The following SH3GL2 variants were observed in gnomAD, a reference collection of about 807,000 sequenced individuals.
The protein encoded by SH3GL2 is endophilin-A1.
A neutral mutation model predicts 46.0 loss-of-function variants in SH3GL2; 24 were observed. That is an observed-to-expected ratio of 0.52 (90% CI 0.38 to 0.73). The LOEUF (loss-of-function observed/expected upper bound fraction) is 0.73, where lower values mean the gene tolerates loss of function less well. Among genes scored for constraint, SH3GL2 ranks in the 30% least tolerant of loss-of-function variants. SH3GL2 has a pLI of 0.00. For missense variants in SH3GL2, 413 were observed against 424.2 expected (o/e 0.97, Z 0.23); for synonymous variants, 196 against 147.1 (o/e 1.33, Z -2.40).
chr9:17,674,453 G>C (rs1337108477), intron 1 of SH3GL2, among the ~76,000 whole-genome samples: 2 of 151,944 alleles, frequency 1.3e-5, no homozygotes, highest in Non-Finnish European at 2.9e-5. Flanking sequence ...TTTTAGTAGG[G>C]ACAGGGTTTC....
chr9:17,707,886 A>G (rs1225089367), intron 1 of SH3GL2, among the ~76,000 whole-genome samples: 1 of 152,016 alleles, frequency 6.6e-6, no homozygotes, highest in East Asian at 1.9e-4. Context: ...TTTCACACTC[A>G]TCTTGTGTAT....
intron 1 of SH3GL2, among the ~76,000 whole-genome samples, chr9:17,686,928 T>C (rs1009663637): frequency 1.6e-5 from 2 of 124,328 alleles, no homozygotes; most frequent in Non-Finnish European, 3.3e-5. Flanking sequence ...ACCCTAAAAC[T>C]TAAAGTATAA....
intron 3 of SH3GL2, among the ~76,000 whole-genome samples, chr9:17,763,597 C>A (rs1358319860): frequency 6.6e-6 from 1 of 152,210 alleles, no homozygotes; most frequent in African/African-American, 2.4e-5. Context: ...AGGGAACCAA[C>A]TTTGCCGACA....
Position 17,686,489 on chromosome 9 carries a change from C to T in SH3GL2, c.46-60577C>T, listed in dbSNP as rs973849522. On this transcript the variant is annotated intron_variant, in intron 1 of 8. Transcript: ENST00000380607. ...ATGCTGCTATAAAGACACATGCACA[C>T]GTATGTTTATTGCGGCATTATCCAC... 4.4e-4 allele frequency among the ~76,000 whole-genome samples: 64 copies of T among 145,876 alleles called. 1 individual carries two copies. The highest frequency in any genetic ancestry group is 1.2e-3 in the African/African-American group (47 of 40,264).
intron 1 of SH3GL2, 71 bp downstream of exon 1, chr9:17,579,358 C>G (rs1262017777): frequency 1.8e-5 from 20 of 1,123,366 alleles, no homozygotes; most frequent in Non-Finnish European, 2.5e-5. Context: ...CGGCGCTGGC[C>G]GTCCGGCGGC....
chr9:17,608,030 GA>G (rs916058574), intron 1 of SH3GL2, among the ~76,000 whole-genome samples: 4 of 151,900 alleles, frequency 2.6e-5, no homozygotes, highest in Admixed American at 6.6e-5. Context: ...CTGTTCAAAT[GA>G]AAATGGGATC....
intron 1 of SH3GL2, among the ~76,000 whole-genome samples, chr9:17,598,616 A>G (rs916439647): frequency 6.6e-6 from 1 of 152,220 alleles, no homozygotes; most frequent in African/African-American, 2.4e-5. Flanking sequence ...GCCTTGATCC[A>G]GATGATACTT....
At chr9:17,722,128 C>G (rs1821910178) in intron 1 of SH3GL2, among the ~76,000 whole-genome samples, 1 of 152,008 alleles carries the variant, frequency 6.6e-6, no homozygotes, top group Non-Finnish European at 1.5e-5. Flanking sequence ...AAGACCTGCC[C>G]AAAGTGACAT....
chr9:17,699,787 A>C (rs1348348939), intron 1 of SH3GL2, among the ~76,000 whole-genome samples: 1 of 152,234 alleles, frequency 6.6e-6, no homozygotes, highest in African/African-American at 2.4e-5. Flanking sequence ...ATGTGCCATC[A>C]TTTATTCAGC....
At chr9:17,609,692 G>T (rs1014360431) in intron 1 of SH3GL2, among the ~76,000 whole-genome samples, 2 of 152,238 alleles carry the variant, frequency 1.3e-5, no homozygotes, top group Non-Finnish European at 2.9e-5. Context: ...CGGCTTTGGG[G>T]AATTTATTGA....
intron 1 of SH3GL2, among the ~76,000 whole-genome samples, chr9:17,586,616 C>T (rs1818382039): frequency 6.6e-6 from 1 of 152,072 alleles, no homozygotes; most frequent in Non-Finnish European, 1.5e-5. Flanking sequence ...ACAGTCATGG[C>T]AGAAGGGGGA....
At chr9:17,587,200 AAAAAC>A (rs1050938275) in intron 1 of SH3GL2, among the ~76,000 whole-genome samples, 11 of 152,244 alleles carry the variant, frequency 7.2e-5, no homozygotes, top group South Asian at 4.1e-4. Context: ...AGACTGTCTC[AAAAAC>A]AAAACAAAAC....
At chr9:17,731,518 G>C (rs1363437805) in intron 1 of SH3GL2, among the ~76,000 whole-genome samples, 5 of 152,022 alleles carry the variant, frequency 3.3e-5, no homozygotes, top group Non-Finnish European at 5.9e-5. Context: ...TTTATGTGAG[G>C]ACACAGTGAG....
chr9:17,636,832 T>A (rs1158455141), intron 1 of SH3GL2, among the ~76,000 whole-genome samples: 1 of 152,238 alleles, frequency 6.6e-6, no homozygotes, highest in Non-Finnish European at 1.5e-5. Flanking sequence ...TACTTATTGT[T>A]ATAACAATTG....
intron 1 of SH3GL2, among the ~76,000 whole-genome samples, chr9:17,681,802 C>T (rs1157705289): frequency 6.6e-6 from 1 of 151,834 alleles, no homozygotes; most frequent in African/African-American, 2.4e-5. Flanking sequence ...TGTAATCTAC[C>T]CATCTGCCAA....
chr9:17,757,342 C>T (rs1402247538), intron 2 of SH3GL2, among the ~76,000 whole-genome samples: 3 of 152,082 alleles, frequency 2.0e-5, no homozygotes, highest in African/African-American at 7.2e-5. Flanking sequence ...TTCTGCACAG[C>T]AAAAGAAACT....
chr9:17,640,073 G>C (rs1296067487), intron 1 of SH3GL2, among the ~76,000 whole-genome samples: 1 of 152,070 alleles, frequency 6.6e-6, no homozygotes, highest in African/African-American at 2.4e-5. Context: ...ATAAGGTTGT[G>C]TGCAATTATG....
At chr9:17,773,709 G>A (rs1413219891) in intron 3 of SH3GL2, among the ~76,000 whole-genome samples, 1 of 152,002 alleles carries the variant, frequency 6.6e-6, no homozygotes, top group African/African-American at 2.4e-5. Context: ...CCATAGCTTT[G>A]TAGTGAGTTT....
At position 17,655,236 on chromosome 9, in the gene SH3GL2, C is replaced by A. The variant is rs543731940; in HGVS notation, c.45+75949C>A. Among the ~76,000 whole-genome samples, 112 of 152,268 alleles carry A rather than the reference C, an allele frequency of 7.4e-4. 1 individual carries two copies. Among genetic ancestry groups the A allele is most frequent in the African/African-American group, 2.6e-3 (108 of 41,558 alleles). ...AATAAATACCTAGGTGTTTCATTGTCTTGTCTTTTTGAATTCATGTAGTAC... is the reference window on the plus strand; with the variant it reads ...AATAAATACCTAGGTGTTTCATTGTATTGTCTTTTTGAATTCATGTAGTAC... On this transcript the variant is annotated intron_variant, in intron 1 of 8. Transcript: ENST00000380607.
Sources: allele counts gnomAD v4.1 joint callset (sites outside exome capture counted in the v4.1 genomes callset), GRCh38; gene constraint gnomAD v4.1.1; transcripts MANE v1.5; gene names NCBI Gene and HGNC (gene_info 2026-07-23, HGNC 2026-07-21).